TNPO1: variants seen among roughly 807,000 people sequenced by gnomAD.
TNPO1 encodes transportin-1.
In TNPO1, 8 loss-of-function variants were observed where a neutral mutation model predicts 119.5. That is an observed-to-expected ratio of 0.07 (90% CI 0.04 to 0.12). The LOEUF (loss-of-function observed/expected upper bound fraction) is 0.12, where lower values mean the gene tolerates loss of function less well. Ranked by LOEUF, TNPO1 falls within the 10% of genes least tolerant of loss-of-function variation. The pLI, the probability that TNPO1 is intolerant of heterozygous loss-of-function variation, is 1.00. For missense variants in TNPO1, 576 were observed against 1,089.8 expected (o/e 0.53, Z 6.64); for synonymous variants, 362 against 363.0 (o/e 1.00, Z 0.03).
At chr5:72,900,574 CTA>C in intron 21 of TNPO1, among the ~76,000 whole-genome samples, 1 of 152,098 alleles carries the variant, frequency 6.6e-6, no homozygotes. Context: ...GCACTATATC[CTA>C]TGTTTTGCTT....
intron 5 of TNPO1, among the ~76,000 whole-genome samples, chr5:72,863,327 AAAG>A (rs1746624155): frequency 1.3e-5 from 2 of 152,168 alleles, no homozygotes; most frequent in African/African-American, 4.8e-5. Context: ...AAAAGGGAAA[AAAG>A]AAACTATCCG....
At chr5:72,838,083 A>G (rs754324282) in intron 1 of TNPO1, among the ~76,000 whole-genome samples, 9 of 152,212 alleles carry the variant, frequency 5.9e-5, no homozygotes, top group Non-Finnish European at 1.3e-4. Flanking sequence ...TAATCAGCCT[A>G]CTAACCACTT....
At chr5:72,831,604 T>C (rs1242516997) in intron 1 of TNPO1, among the ~76,000 whole-genome samples, 1 of 152,014 alleles carries the variant, frequency 6.6e-6, no homozygotes, top group Non-Finnish European at 1.5e-5. Context: ...GTATAGAATA[T>C]GTAATAACTC....
chr5:72,869,344 T>G (rs1315964702), intron 6 of TNPO1, among the ~76,000 whole-genome samples: 1 of 151,914 alleles, frequency 6.6e-6, no homozygotes, highest in African/African-American at 2.4e-5. Context: ...GTCAGGAGTT[T>G]GAGACCAGCC....
intron 1 of TNPO1, among the ~76,000 whole-genome samples, chr5:72,819,861 T>G: frequency 6.6e-6 from 1 of 152,206 alleles, no homozygotes; most frequent in East Asian, 1.9e-4. Context: ...ATTAAATGAG[T>G]TAATACACTA....
In TNPO1 at chr5:72,890,713, G is replaced by A. The variant is rs78571297; in HGVS notation, c.1701+756G>A. 3.6e-3 allele frequency among the ~76,000 whole-genome samples: 540 copies of A among 152,110 alleles called. 1 individual carries two copies. Among genetic ancestry groups the A allele is most frequent in the Non-Finnish European group, 5.8e-3 (396 of 67,982 alleles). On this transcript the variant is annotated intron_variant, in intron 14 of 24. Coordinates refer to ENST00000337273, the MANE Select transcript of TNPO1 (RefSeq NM_002270.4). Reference sequence around the variant, plus strand: ...GTTTACATGATCACTATGTTTAGTCGTTTTATGGATCATTCTTTAGTTTGA... The same window carrying A: ...GTTTACATGATCACTATGTTTAGTCATTTTATGGATCATTCTTTAGTTTGA...
At chr5:72,823,648 C>G (rs1034908943) in intron 1 of TNPO1, among the ~76,000 whole-genome samples, 1 of 152,208 alleles carries the variant, frequency 6.6e-6, no homozygotes, top group African/African-American at 2.4e-5. Flanking sequence ...ATTTACTCAT[C>G]TAAATTTCAT....
intron 1 of TNPO1, among the ~76,000 whole-genome samples, chr5:72,836,670 AATCTTTAAGTTCTGCCTTCCTTTT>A (rs1645110346): frequency 4.6e-5 from 7 of 152,188 alleles, no homozygotes; most frequent in Admixed American, 1.3e-4. Context: ...GAATTTTTCA[AATCTTTAAGTTCTGCCTTCCTTTT>A]AGTTACAAAT....
chr5:72,858,118 C>A (rs1040851087), intron 4 of TNPO1, among the ~76,000 whole-genome samples: 2 of 152,060 alleles, frequency 1.3e-5, no homozygotes, highest in African/African-American at 4.8e-5. Flanking sequence ...TATTTAGTTG[C>A]TTTACTACAG....
chr5:72,821,911 T>A (rs1743975680), intron 1 of TNPO1, among the ~76,000 whole-genome samples: 1 of 152,174 alleles, frequency 6.6e-6, no homozygotes, highest in Non-Finnish European at 1.5e-5. Flanking sequence ...CCACAAACTT[T>A]CTGTAAAGGG....
chr5:72,891,263 G>A (rs377432558), intron 14 of TNPO1, among the ~76,000 whole-genome samples: 14 of 151,972 alleles, frequency 9.2e-5, no homozygotes, highest in South Asian at 4.2e-4. Flanking sequence ...TCAGGAGATC[G>A]ACACCATCCT....
chr5:72,882,548 A>T (rs778854416), intron 10 of TNPO1, 21 bp downstream of exon 10: 2 of 1,558,698 alleles, frequency 1.3e-6, no homozygotes, highest in Admixed American at 1.8e-5. Flanking sequence ...TTTTTTGATG[A>T]ATAGGGAACA....
intron 1 of TNPO1, among the ~76,000 whole-genome samples, chr5:72,819,992 T>G (rs990962590): frequency 3.1e-4 from 47 of 152,176 alleles, no homozygotes; most frequent in African/African-American, 1.1e-3. Flanking sequence ...AAAATAAAAA[T>G]TACAAATATC....
intron 11 of TNPO1, among the ~76,000 whole-genome samples, chr5:72,886,289 G>A (rs1232190068): frequency 6.6e-6 from 1 of 152,164 alleles, no homozygotes; most frequent in Non-Finnish European, 1.5e-5. Flanking sequence ...TCATGTGCCA[G>A]TGACTTTTCT....
At chr5:72,878,137 A>G (rs1747944678) in intron 9 of TNPO1, among the ~76,000 whole-genome samples, 1 of 152,150 alleles carries the variant, frequency 6.6e-6, no homozygotes, top group African/African-American at 2.4e-5. Flanking sequence ...ACGATTATAT[A>G]TGTGTACGCT....
intron 6 of TNPO1, among the ~76,000 whole-genome samples, chr5:72,868,767 T>C (rs1747149407): frequency 6.6e-6 from 1 of 151,748 alleles, no homozygotes; most frequent in African/African-American, 2.4e-5. Context: ...ACTTAAAGTT[T>C]AGGCTGGGCG....
intron 9 of TNPO1, among the ~76,000 whole-genome samples, chr5:72,878,106 A>T (rs1272374324): frequency 1.3e-5 from 2 of 152,196 alleles, no homozygotes; most frequent in African/African-American, 4.8e-5. Context: ...CATGGTATAC[A>T]TAACCATATT....
intron 6 of TNPO1, among the ~76,000 whole-genome samples, chr5:72,870,890 A>T (rs1446989531): frequency 6.6e-6 from 1 of 152,216 alleles, no homozygotes; most frequent in African/African-American, 2.4e-5. Flanking sequence ...TACTATGCCA[A>T]GTACTTAACA....
chr5:72,855,936 A>C lies in TNPO1; in HGVS notation c.355+13A>C. On this transcript the variant is annotated intron_variant, in intron 4 of 24. Transcript: ENST00000337273. ...AGAGCCACTGTTGGTAAGTTATATT[A>C]CAACAGTTTTGCTTACTTTGTTTGT... 1 of 1,611,724 alleles carries C rather than the reference A, an allele frequency of 6.2e-7. No individual in the cohort carries two copies. The highest frequency in any genetic ancestry group is 8.5e-7 in the Non-Finnish European group (1 of 1,178,758).
Sources: allele counts gnomAD v4.1 joint callset (sites outside exome capture counted in the v4.1 genomes callset), GRCh38; gene constraint gnomAD v4.1.1; transcripts MANE v1.5; gene names NCBI Gene and HGNC (gene_info 2026-07-23, HGNC 2026-07-21).